Variants in TMEM9 observed in about 807,000 individuals in gnomAD.
TMEM9 encodes proton-transporting V-type ATPase complex assembly regulator TMEM9.
In TMEM9, 13 loss-of-function variants were observed where a neutral mutation model predicts 22.8. The observed-to-expected ratio is 0.57, with a 90% CI of 0.37 to 0.91. TMEM9 has a LOEUF of 0.91. TMEM9 is among the 40% of genes least tolerant of loss of function. TMEM9 has a pLI of 0.01. For synonymous variants in TMEM9, 88 were observed against 93.0 expected, an observed-to-expected ratio of 0.95 and a Z score of 0.31; for missense variants, 182 against 238.1, an observed-to-expected ratio of 0.76 and a Z score of 1.55.
At chr1:201,139,455 C>T (rs939241094) in intron 4 of TMEM9, among the ~76,000 whole-genome samples, 1 of 152,190 alleles carries the variant, frequency 6.6e-6, no homozygotes, top group African/African-American at 2.4e-5. Context: ...GCTAGGGCCA[C>T]CTTCCTATGA....
At chr1:201,163,385 T>C (rs1276590942) in intron 1 of TMEM9, among the ~76,000 whole-genome samples, 1 of 151,546 alleles carries the variant, frequency 6.6e-6, no homozygotes. Context: ...AGGTCAGGAG[T>C]TTGAAACCAG....
chr1:201,153,276 G>A (rs1231102233), intron 1 of TMEM9, among the ~76,000 whole-genome samples: 1 of 152,204 alleles, frequency 6.6e-6, no homozygotes, highest in Non-Finnish European at 1.5e-5. Context: ...TTCATTGTCA[G>A]GAATGGTGGT....
chr1:201,146,489 TC>T, intron 3 of TMEM9: 1 of 580,468 alleles, frequency 1.7e-6, no homozygotes. Context: ...GAAAAAGGAG[TC>T]TCCAGCAGCT....
At chr1:201,136,314 C>T (rs942457670) in intron 4 of TMEM9, among the ~76,000 whole-genome samples, 12 of 152,334 alleles carry the variant, frequency 7.9e-5, no homozygotes, top group South Asian at 2.1e-4. Flanking sequence ...CTAGAGAACT[C>T]CCCTGCCCTC....
At chr1:201,157,116 A>G (rs1190577491), upstream of TMEM9, among the ~76,000 whole-genome samples, 1 of 152,160 alleles carries the variant, frequency 6.6e-6, no homozygotes, top group South Asian at 2.1e-4. Context: ...TCCTGGAAAA[A>G]TGAGTTGCCA....
intron 1 of TMEM9, among the ~76,000 whole-genome samples, chr1:201,152,826 G>C (rs1010379710): frequency 6.6e-6 from 1 of 152,154 alleles, no homozygotes; most frequent in Non-Finnish European, 1.5e-5. Context: ...ATGAGTGACG[G>C]GCTTCTTGAA....
intron 2 of TMEM9, among the ~76,000 whole-genome samples, chr1:201,151,202 A>G (rs10753894): frequency 0.94 from 143,583 of 152,292 alleles, 67,730 homozygotes; most frequent in South Asian, 0.96. Context: ...ACAATGTGCT[A>G]AAACTTCCCT....
Position 201,154,389 on chromosome 1 carries a change from G to C in TMEM9, c.-466C>G, listed in dbSNP as rs575248965. The C allele has an allele frequency of 1.2e-5, 2 of 162,146 alleles. No homozygotes were observed. The highest frequency in any genetic ancestry group is 2.7e-5 in the Non-Finnish European group (2 of 73,468). 10.0% of individuals were successfully genotyped at this position (162,146 alleles called of 1,614,324 possible). ...CGCCCAGAGGTCTTAAGCCGGACTGGGACCCCCAATAGCCCCGCGACCCCC... is the reference window on the plus strand; with the variant it reads ...CGCCCAGAGGTCTTAAGCCGGACTGCGACCCCCAATAGCCCCGCGACCCCC... On this transcript the variant is annotated 5_prime_UTR_variant, in exon 1 of 5. Transcript: ENST00000367330.
intron 1 of TMEM9, among the ~76,000 whole-genome samples, chr1:201,152,764 A>G (rs1216613165): frequency 2.6e-5 from 4 of 152,262 alleles, no homozygotes; most frequent in African/African-American, 9.6e-5. Flanking sequence ...CACAGACATG[A>G]CCACAAAGAT....
intron 2 of TMEM9, among the ~76,000 whole-genome samples, chr1:201,148,450 G>A (rs114948116): frequency 6.6e-6 from 1 of 152,204 alleles, no homozygotes; most frequent in Non-Finnish European, 1.5e-5. Flanking sequence ...AAACCCCTTG[G>A]AGGTGTGCAG....
At chr1:201,167,875 T>C (rs1048706198) in intron 1 of TMEM9, among the ~76,000 whole-genome samples, 1 of 152,218 alleles carries the variant, frequency 6.6e-6, no homozygotes, top group African/African-American at 2.4e-5. Context: ...TAAATATAGA[T>C]ATAAATCATT....
chr1:201,169,948 C>T (rs1666172086), intron 1 of TMEM9, among the ~76,000 whole-genome samples: 1 of 152,110 alleles, frequency 6.6e-6, no homozygotes, highest in East Asian at 1.9e-4. Flanking sequence ...GGTGGTGTTA[C>T]ATATTCCCAA....
chr1:201,164,456 C>T (rs1488292001), intron 1 of TMEM9, among the ~76,000 whole-genome samples: 2 of 152,176 alleles, frequency 1.3e-5, no homozygotes, highest in Non-Finnish European at 2.9e-5. Flanking sequence ...AGTCAAGATG[C>T]TAACTTGCAA....
At chr1:201,144,162 T>A in intron 3 of TMEM9, 1 of 534,612 alleles carries the variant, frequency 1.9e-6, no homozygotes, top group South Asian at 2.1e-5. Flanking sequence ...CTGTCCTAAC[T>A]TGAGGGAGTC....
chr1:201,151,729 T>C, intron 2 of TMEM9, 32 bp downstream of exon 2: 2 of 1,544,760 alleles, frequency 1.3e-6, no homozygotes, highest in Non-Finnish European at 1.8e-6. Context: ...CAACTGGGTA[T>C]AGCAGCCAGG....
intron 3 of TMEM9, 74 bp from the exon 4 acceptor site, chr1:201,144,025 C>T: frequency 6.4e-7 from 1 of 1,556,016 alleles, no homozygotes; most frequent in Non-Finnish European, 8.8e-7. Flanking sequence ...AGTCTTGGGC[C>T]ATCTGTGTCC....
rs757757323 is a variant in TMEM9 at position 201,135,748 on chromosome 1, C to A, written c.467G>T (p.Arg156Leu). The change falls in exon 5 of 5, where the codon CGT becomes CTT. Residue 156 changes from arginine (R) to leucine (L), a missense_variant. Transcript: ENST00000367330. ...GGPRANTVLE[R>L]VEGAQQRWKL... ...CCACCGCTGCTGGGCACCTTCCACACGCTCCAGGACTGTGTTTGCTCGGGG... is the reference window on the plus strand; with the variant it reads ...CCACCGCTGCTGGGCACCTTCCACAAGCTCCAGGACTGTGTTTGCTCGGGG... The A allele has an allele frequency of 1.2e-5, 19 of 1,613,746 alleles. No individual in the cohort carries two copies. The highest frequency in any genetic ancestry group is 1.6e-5 in the Non-Finnish European group (19 of 1,179,824).
At chr1:201,147,075 T>C (rs539896390) in intron 2 of TMEM9, among the ~76,000 whole-genome samples, 6 of 152,116 alleles carry the variant, frequency 3.9e-5, no homozygotes, top group Admixed American at 6.5e-5. Flanking sequence ...CTCTCCAAAC[T>C]GCCTACAGGG....
upstream of TMEM9, among the ~76,000 whole-genome samples, chr1:201,155,842 T>C (rs1665776133): frequency 6.6e-6 from 1 of 152,178 alleles, no homozygotes; most frequent in African/African-American, 2.4e-5. Flanking sequence ...TGTAGGGATA[T>C]AATGAGTTTA....
Sources: gnomAD v4.1 joint callset for allele counts (sites outside exome capture counted in the v4.1 genomes callset) on GRCh38, gnomAD v4.1.1 for gene constraint, MANE v1.5 for transcripts, NCBI Gene and HGNC (gene_info 2026-07-23, HGNC 2026-07-21) for gene names.